SGK3: variants seen among roughly 807,000 people sequenced by gnomAD.
The protein encoded by SGK3 is serum/glucocorticoid regulated kinase family member 3, also known as serine/threonine-protein kinase Sgk3.
A neutral mutation model predicts 68.5 loss-of-function variants in SGK3; 47 were observed. That is an observed-to-expected ratio of 0.69 (90% CI 0.54 to 0.87). The LOEUF (loss-of-function observed/expected upper bound fraction) is 0.87, where lower values mean the gene tolerates loss of function less well. Among genes scored for constraint, SGK3 ranks in the 40% least tolerant of loss-of-function variants. SGK3 has a pLI of 0.00. For missense variants in SGK3, 479 were observed against 575.5 expected, an observed-to-expected ratio of 0.83 and a Z score of 1.72; for synonymous variants, 181 against 189.1, an observed-to-expected ratio of 0.96 and a Z score of 0.35.
intron 5 of SGK3, among the ~76,000 whole-genome samples, chr8:66,817,825 A>G (rs1458423615): frequency 6.6e-6 from 1 of 152,096 alleles, no homozygotes; most frequent in Admixed American, 6.6e-5. Flanking sequence ...ACTAATAAAA[A>G]CTTTGTGCAC....
intron 5 of SGK3, among the ~76,000 whole-genome samples, chr8:66,820,046 T>TA (rs1808747249): frequency 6.6e-6 from 1 of 152,010 alleles, no homozygotes; most frequent in African/African-American, 2.4e-5. Context: ...TTGAACTCCT[T>TA]ACCTCATGAT....
In SGK3 at chr8:66,794,375, G is replaced by A. The variant is rs186651349; in HGVS notation, c.96+543G>A. ...AATCTGTGTATCAGTTTTTATTATT[G>A]GAGAATAGTCACTTTTCTAATTAGT... On this transcript the variant is annotated intron_variant, in intron 2 of 16. Coordinates refer to ENST00000521198, the MANE Select transcript of SGK3 (RefSeq NM_001033578.3). 2.9e-3 allele frequency among the ~76,000 whole-genome samples: 439 copies of A among 151,614 alleles called. 5 individuals carry two copies. Among genetic ancestry groups the A allele is most frequent in the African/African-American group, 0.01 (426 of 41,306 alleles).
intron 1 of SGK3, among the ~76,000 whole-genome samples, chr8:66,765,905 A>T (rs968044958): frequency 6.6e-6 from 1 of 151,866 alleles, no homozygotes; most frequent in Non-Finnish European, 1.5e-5. Flanking sequence ...GGCACCTGTA[A>T]TCCCAGCTAC....
chr8:66,820,438 T>C (rs1808765357), intron 5 of SGK3, among the ~76,000 whole-genome samples: 1 of 152,240 alleles, frequency 6.6e-6, no homozygotes, highest in Admixed American at 6.5e-5. Flanking sequence ...CCACATTTTG[T>C]TTATCCATTC....
chr8:66,806,273 C>G (rs1808159151), intron 4 of SGK3, among the ~76,000 whole-genome samples: 1 of 151,452 alleles, frequency 6.6e-6, no homozygotes, highest in Non-Finnish European at 1.5e-5. Flanking sequence ...TGTAGATTTT[C>G]TGAAGGTGCA....
At chr8:66,812,360 C>A (rs1414634381) in intron 4 of SGK3, among the ~76,000 whole-genome samples, 1 of 151,792 alleles carries the variant, frequency 6.6e-6, no homozygotes, top group African/African-American at 2.4e-5. Flanking sequence ...AGTTCAAGAC[C>A]AGCCTGGCTA....
intron 1 of SGK3, among the ~76,000 whole-genome samples, chr8:66,721,478 G>A (rs1283885659): frequency 6.6e-6 from 1 of 152,146 alleles, no homozygotes; most frequent in Non-Finnish European, 1.5e-5. Flanking sequence ...TTAAGAGCAG[G>A]CCTTTAAGAA....
At position 66,732,926 on chromosome 8, in the gene SGK3, A is replaced by G. The variant is rs187369351; in HGVS notation, c.-122+20093A>G. Among the ~76,000 whole-genome samples the G allele has an allele frequency of 3.1e-3, 465 of 152,324 alleles. 5 individuals are homozygous for G. The highest frequency in any genetic ancestry group is 0.011 in the African/African-American group (452 of 41,584). ...ACATTGCAGTGATTTTTCAAACTGC[A>G]CTTGTAGTTAGAGTGATCTCTTATT... On this transcript the variant is annotated intron_variant, in intron 1 of 16. Transcript: ENST00000521198.
At chr8:66,757,162 C>T (rs113055616) in intron 1 of SGK3, among the ~76,000 whole-genome samples, 17,577 of 143,160 alleles carry the variant, frequency 0.12, 1,997 homozygotes, top group African/African-American at 0.3. Context: ...GACAGGGTCT[C>T]GCTCTGTTGC....
intron 1 of SGK3, among the ~76,000 whole-genome samples, chr8:66,730,660 T>C (rs967166693): frequency 2.6e-5 from 4 of 151,988 alleles, no homozygotes; most frequent in African/African-American, 9.7e-5. Context: ...TTCTTTTGCA[T>C]GTGTATATCC....
At chr8:66,827,132 G>T (rs183710930) in intron 6 of SGK3, among the ~76,000 whole-genome samples, 1 of 151,298 alleles carries the variant, frequency 6.6e-6, no homozygotes, top group Non-Finnish European at 1.5e-5. Context: ...CTGTAATCCC[G>T]CCACTTTGGG....
intron 10 of SGK3, among the ~76,000 whole-genome samples, chr8:66,837,027 G>A (rs1809565483): frequency 6.6e-6 from 1 of 152,020 alleles, no homozygotes; most frequent in African/African-American, 2.4e-5. Context: ...AACTTCCATT[G>A]AGTATTACTT....
chr8:66,844,273 T>C (rs1809919375), intron 14 of SGK3, among the ~76,000 whole-genome samples: 1 of 152,192 alleles, frequency 6.6e-6, no homozygotes, highest in South Asian at 2.1e-4. Context: ...TTTTATTTTG[T>C]TTAATAGATT....
chr8:66,809,546 G>GA lies in SGK3; in HGVS notation c.254-4297dup, dbSNP rs1322111740. On this transcript the variant is annotated intron_variant, in intron 4 of 16. Transcript: ENST00000521198. ...TTCCAATTTACTTTGCTTGTTTGGG[G>GA]AAAAAAAAAACCTTATGAAATGCTG... is the stretch of plus-strand genomic sequence containing the variant. Among the ~76,000 whole-genome samples, 73 of 146,944 alleles carry GA rather than the reference G, an allele frequency of 5.0e-4. No homozygotes were observed. The East Asian group carries it at 7.5e-3, about 15-fold the overall frequency.
chr8:66,721,055 C>T (rs939959207), intron 1 of SGK3, among the ~76,000 whole-genome samples: 11 of 152,130 alleles, frequency 7.2e-5, no homozygotes, highest in African/African-American at 2.4e-4. Context: ...TAAACAGCAC[C>T]GCCACCAATG....
chr8:66,757,778 G>C (rs909636915), intron 1 of SGK3, among the ~76,000 whole-genome samples: 2 of 151,104 alleles, frequency 1.3e-5, no homozygotes, highest in Non-Finnish European at 2.9e-5. Flanking sequence ...AGCTGGGCAT[G>C]GTGGCGGGCA....
intron 13 of SGK3, 121 bp from the exon 14 acceptor site, chr8:66,843,331 T>C: frequency 2.4e-6 from 2 of 841,038 alleles, no homozygotes; most frequent in Non-Finnish European, 3.7e-6. Context: ...CCACTGGAAA[T>C]CTAGATAATT....
intron 1 of SGK3, among the ~76,000 whole-genome samples, chr8:66,752,666 G>A (rs1343592075): frequency 6.6e-6 from 1 of 151,864 alleles, no homozygotes; most frequent in Non-Finnish European, 1.5e-5. Context: ...AATGCAAGCT[G>A]TTTTTTTCCA....
At position 66,713,051 on chromosome 8, in the gene SGK3, A is replaced by G. The variant is rs1195413690; in HGVS notation, c.-122+218A>G. ...CTGCCTCGAGATTCCTAAACGCCCA[A>G]GGGGCGTCGGTGGCTGGACCTTGTT... On this transcript the variant is annotated intron_variant, in intron 1 of 16. Coordinates refer to ENST00000521198, the MANE Select transcript of SGK3 (RefSeq NM_001033578.3). Among the ~76,000 whole-genome samples, 3 of 152,324 alleles carry G rather than the reference A, an allele frequency of 2.0e-5. No homozygotes were observed. The East Asian group carries it at 5.8e-4, about 29-fold the overall frequency.
Sources: allele counts gnomAD v4.1 joint callset (sites outside exome capture counted in the v4.1 genomes callset), GRCh38; gene constraint gnomAD v4.1.1; transcripts MANE v1.5; gene names NCBI Gene and HGNC (gene_info 2026-07-23, HGNC 2026-07-21).